The following CENPP variants were observed in gnomAD, a reference collection of about 807,000 sequenced individuals.
CENPP encodes the protein centromere protein P.
CENPP carries 24 observed loss-of-function variants against 35.6 expected under a neutral mutation model. The ratio of observed to expected loss-of-function variants is 0.67; its 90% CI spans 0.49 to 0.95. The LOEUF is 0.95. Ranked by LOEUF, CENPP falls within the 40% of genes least tolerant of loss-of-function variation. CENPP has a pLI of 0.00. For synonymous variants in CENPP, 120 were observed against 125.5 expected, an observed-to-expected ratio of 0.96 and a Z score of 0.29; for missense variants, 332 against 345.3, an observed-to-expected ratio of 0.96 and a Z score of 0.31.
At chr9:92,577,430 T>C (rs1850310375) in intron 5 of CENPP, among the ~76,000 whole-genome samples, 1 of 152,154 alleles carries the variant, frequency 6.6e-6, no homozygotes, top group Admixed American at 6.5e-5. Context: ...TGTATTCTTA[T>C]TATGAAATAC....
intron 5 of CENPP, chr9:92,517,819 A>AC: frequency 6.2e-7 from 1 of 1,614,200 alleles, no homozygotes; most frequent in South Asian, 1.1e-5. Flanking sequence ...GGCTCAGGCG[A>AC]CCACACAGCT....
At chr9:92,495,838 C>T (rs912921499) in intron 5 of CENPP, 25 of 968,226 alleles carry the variant, frequency 2.6e-5, no homozygotes, top group Non-Finnish European at 3.1e-5. Context: ...TAGCACAGGA[C>T]CTTATAAGAA....
intron 5 of CENPP, chr9:92,417,351 T>C (rs555567463): frequency 6.2e-7 from 1 of 1,614,056 alleles, no homozygotes; most frequent in Non-Finnish European, 8.5e-7. Context: ...GGAAAGTTAG[T>C]TGGACAGAAG....
chr9:92,342,118 G>C (rs1449134922), intron 3 of CENPP, among the ~76,000 whole-genome samples: 1 of 152,238 alleles, frequency 6.6e-6, no homozygotes, highest in Admixed American at 6.5e-5. Context: ...TAGCATTTCA[G>C]GTATCAGGAA....
rs139522425 is a variant in CENPP, at chr9:92,353,431, C to T, written c.467+7644C>T. Among the ~76,000 whole-genome samples, 12 of 152,278 alleles carry T rather than the reference C, an allele frequency of 7.9e-5. No homozygotes were observed. The South Asian group carries it at 8.3e-4, about 11-fold the overall frequency. ...TGTAGTCCTGTTTGGATTGGGCTGTCGTAGTTTCCCATTAACCTTACTTAC... is the reference window on the plus strand; with the variant it reads ...TGTAGTCCTGTTTGGATTGGGCTGTTGTAGTTTCCCATTAACCTTACTTAC... On this transcript the variant is annotated intron_variant, in intron 4 of 7. Coordinates refer to ENST00000375587, the MANE Select transcript of CENPP (RefSeq NM_001012267.3).
chr9:92,347,911 A>T (rs928353596), intron 4 of CENPP, among the ~76,000 whole-genome samples: 5 of 152,066 alleles, frequency 3.3e-5, no homozygotes, highest in Non-Finnish European at 4.4e-5. Flanking sequence ...ATTAAAAATA[A>T]GACAAAACTT....
At chr9:92,605,520 A>G (rs1851053717) in intron 5 of CENPP, among the ~76,000 whole-genome samples, 1 of 152,168 alleles carries the variant, frequency 6.6e-6, no homozygotes, top group Admixed American at 6.5e-5. Context: ...CTAAAATACA[A>G]ATGAAACCAA....
At chr9:92,427,824 T>C (rs1844006924) in intron 5 of CENPP, among the ~76,000 whole-genome samples, 1 of 152,120 alleles carries the variant, frequency 6.6e-6, no homozygotes, top group Non-Finnish European at 1.5e-5. Context: ...CTATTTTAAG[T>C]AGTTTAGATA....
chr9:92,391,493 C>T (rs534637784), intron 5 of CENPP, among the ~76,000 whole-genome samples: 27 of 151,710 alleles, frequency 1.8e-4, no homozygotes, highest in Non-Finnish European at 2.8e-4. Flanking sequence ...CAGCTACTTG[C>T]GAGACTGAGG....
chr9:92,328,684 AT>A (rs1840643557), intron 1 of CENPP, among the ~76,000 whole-genome samples: 1 of 152,222 alleles, frequency 6.6e-6, no homozygotes, highest in African/African-American at 2.4e-5. Flanking sequence ...CTGACAAAAA[AT>A]TTTTATGTTA....
chr9:92,603,304 T>G (rs17365144), intron 5 of CENPP, among the ~76,000 whole-genome samples: 6,040 of 152,350 alleles, frequency 0.04, 186 homozygotes, highest in South Asian at 0.11. Flanking sequence ...CATGGTAATG[T>G]GTGAAGAACC....
In CENPP at chr9:92,600,552, T is replaced by C. The variant is rs73526037; in HGVS notation, c.565-10762T>C. The C allele has an allele frequency of 1.0e-3, 1,686 of 1,612,190 alleles. 21 individuals are homozygous for C. In the African/African-American group the frequency reaches 0.02, roughly 19 times the overall value. On this transcript the variant is annotated intron_variant, in intron 5 of 7. Coordinates refer to ENST00000375587, the MANE Select transcript of CENPP (RefSeq NM_001012267.3). Reference sequence around the variant, plus strand: ...GCCACCCCACTGGGGCTGGGGCACATGGAGAATGTTTGGCACAAGCCCTTG... The same window carrying C: ...GCCACCCCACTGGGGCTGGGGCACACGGAGAATGTTTGGCACAAGCCCTTG...
chr9:92,611,051 G>A, intron 5 of CENPP: 1 of 540,004 alleles, frequency 1.9e-6, no homozygotes, highest in Non-Finnish European at 3.3e-6. Context: ...CCTGTGAAAT[G>A]AGAATACAGC....
Position 92,345,740 on chromosome 9 carries a change from A to G in CENPP, c.420A>G (p.Ile140Met), listed in dbSNP as rs1841275523. The change falls in exon 4 of 8, where the codon ATA (isoleucine) becomes ATG (methionine). Residue 140 changes from isoleucine to methionine, a missense_variant. Physicochemically the swap from Ile to Met is conservative, Grantham distance 10. Coordinates refer to ENST00000375587, the MANE Select transcript of CENPP (RefSeq NM_001012267.3). Reference protein sequence around the residue: ...RLSSAVTDLNIIMEPTECSEL... With the variant: ...RLSSAVTDLNMIMEPTECSEL... ...CTTCTGCTGTTACTGACCTCAACAT[A>G]ATAATGGAGCCCACAGAATGCTCAG... The G allele has an allele frequency of 1.2e-6, 2 of 1,602,668 alleles. No homozygotes were observed. The highest frequency in any genetic ancestry group is 1.7e-6 in the Non-Finnish European group (2 of 1,170,566).
chr9:92,598,441 A>G (rs981578108), intron 5 of CENPP, among the ~76,000 whole-genome samples: 1 of 152,198 alleles, frequency 6.6e-6, no homozygotes, highest in African/African-American at 2.4e-5. Context: ...GTGGGAATCT[A>G]CTAGAGGATG....
At chr9:92,340,137 G>T (rs1841065379) in intron 3 of CENPP, 1 of 153,564 alleles carries the variant, frequency 6.5e-6, no homozygotes, top group East Asian at 1.9e-4. Flanking sequence ...TCTACTGTAA[G>T]AGTTCATCTC....
chr9:92,546,580 C>T (rs144151642), intron 5 of CENPP, among the ~76,000 whole-genome samples: 43 of 152,180 alleles, frequency 2.8e-4, no homozygotes, highest in African/African-American at 9.9e-4. Flanking sequence ...AGCGAGACCA[C>T]GAACCCACCA....
intron 5 of CENPP, chr9:92,416,679 G>T (rs752327195): frequency 1.2e-6 from 2 of 1,610,180 alleles, no homozygotes; most frequent in Non-Finnish European, 1.7e-6. Context: ...TAGAATGCTT[G>T]CTTCAATTTG....
chr9:92,567,367 A>AACATATATATAT (rs1564005429), intron 5 of CENPP, among the ~76,000 whole-genome samples: 2 of 103,710 alleles, frequency 1.9e-5, no homozygotes, highest in African/African-American at 5.8e-5. Context: ...ACAGTTACAT[A>AACATATATATAT]AGATAGATAT....
Sources: allele counts gnomAD v4.1 joint callset (sites outside exome capture counted in the v4.1 genomes callset), GRCh38; gene constraint gnomAD v4.1.1; transcripts MANE v1.5; gene names NCBI Gene and HGNC (gene_info 2026-07-23, HGNC 2026-07-21).